ASXL2: variants seen among roughly 807,000 people sequenced by gnomAD.
ASXL2 encodes ASXL transcriptional regulator 2.
A neutral mutation model predicts 122.0 loss-of-function variants in ASXL2; 23 were observed. That is an observed-to-expected ratio of 0.19 (90% confidence interval 0.14 to 0.27). The LOEUF (loss-of-function observed/expected upper bound fraction) is 0.27, where lower values mean the gene tolerates loss of function less well. Among genes scored for constraint, ASXL2 ranks in the 10% least tolerant of loss-of-function variants. ASXL2 has a pLI of 1.00. For missense variants in ASXL2, 1,518 were observed against 1,713.8 expected (o/e 0.89, Z 2.02); for synonymous variants, 650 against 637.0 (o/e 1.02, Z -0.31).
chr2:25,775,089 CT>C (rs1017286224), intron 5 of ASXL2, among the ~76,000 whole-genome samples: 1 of 151,958 alleles, frequency 6.6e-6, no homozygotes, highest in African/African-American at 2.4e-5. Context: ...AGTTAGTCTT[CT>C]GATATGGTTT....
intron 1 of ASXL2, among the ~76,000 whole-genome samples, chr2:25,871,536 T>C (rs569360586): frequency 3.3e-5 from 5 of 152,338 alleles, no homozygotes; most frequent in African/African-American, 1.2e-4. Context: ...TTGTGGGCTT[T>C]CAGGATAGAG....
At chr2:25,858,704 A>G (rs2089810359) in intron 1 of ASXL2, among the ~76,000 whole-genome samples, 1 of 149,898 alleles carries the variant, frequency 6.7e-6, no homozygotes, top group Non-Finnish European at 1.5e-5. Context: ...GCCTGGCGAC[A>G]GAGCGAGACC....
At chr2:25,819,526 G>C (rs1371374828) in intron 3 of ASXL2, among the ~76,000 whole-genome samples, 1 of 152,112 alleles carries the variant, frequency 6.6e-6, no homozygotes, top group African/African-American at 2.4e-5. Context: ...ATATATTATG[G>C]TAAAAATGTC....
intron 3 of ASXL2, among the ~76,000 whole-genome samples, chr2:25,834,550 C>G (rs1445142888): frequency 1.3e-5 from 2 of 152,010 alleles, no homozygotes; most frequent in African/African-American, 4.8e-5. Flanking sequence ...ACAAATATAA[C>G]TAGAGTTAAA....
In ASXL2 at chr2:25,739,723, G is replaced by C. The variant is rs1231390876; in HGVS notation, c.*2306C>G. ...CCCTGATACCTTTCCTCCTTTCCTA[G>C]TTATAGTCTGTTCATCCCTAAGTTA... On this transcript the variant is annotated 3_prime_UTR_variant, in exon 13 of 13. Coordinates refer to ENST00000435504, the MANE Select transcript of ASXL2 (RefSeq NM_018263.6). 1 of 211,414 alleles carries C rather than the reference G, an allele frequency of 4.7e-6. No homozygotes were observed. Among genetic ancestry groups the C allele is most frequent in the Non-Finnish European group, 9.6e-6 (1 of 104,444 alleles). 13.1% of individuals were successfully genotyped at this position (211,414 alleles called of 1,614,324 possible). A position where few individuals can be genotyped will look rare whatever the true frequency, so the allele number is the denominator to read the frequency against.
Position 25,738,895 on chromosome 2 carries a change from C to T in ASXL2, c.*3134G>A, listed in dbSNP as rs1300581116. The T allele has an allele frequency of 6.6e-6, 1 of 152,170 alleles. No homozygotes were observed. Among genetic ancestry groups the T allele is most frequent in the Non-Finnish European group, 1.5e-5 (1 of 68,032 alleles). 9.4% of individuals were successfully genotyped at this position (152,170 alleles called of 1,614,324 possible). A position where few individuals can be genotyped will look rare whatever the true frequency, so the allele number is the denominator to read the frequency against. On this transcript the variant is annotated 3_prime_UTR_variant, in exon 13 of 13. Coordinates refer to ENST00000435504, the MANE Select transcript of ASXL2 (RefSeq NM_018263.6). ...CTTAGAAATGTTACATGAAATACCA[C>T]AGATAGCTTCAGTATCTTGAGCATA...
intron 8 of ASXL2, among the ~76,000 whole-genome samples, chr2:25,764,083 T>A (rs1402270228): frequency 6.6e-6 from 1 of 152,180 alleles, no homozygotes; most frequent in African/African-American, 2.4e-5. Flanking sequence ...GTCTAAGAGG[T>A]AAATGTTGTC....
intron 5 of ASXL2, among the ~76,000 whole-genome samples, chr2:25,796,202 A>G (rs2088908975): frequency 6.6e-6 from 1 of 152,240 alleles, no homozygotes; most frequent in African/African-American, 2.4e-5. Flanking sequence ...TTTTTCTAAT[A>G]TAGGCATAGT....
At chr2:25,781,734 A>G (rs188214421) in intron 5 of ASXL2, among the ~76,000 whole-genome samples, 57 of 147,514 alleles carry the variant, frequency 3.9e-4, no homozygotes, top group African/African-American at 1.4e-3. Context: ...CAGTGGCACT[A>G]TCTCGGCTCA....
intron 5 of ASXL2, among the ~76,000 whole-genome samples, chr2:25,785,076 T>C (rs894300999): frequency 2.0e-5 from 3 of 152,222 alleles, no homozygotes; most frequent in Non-Finnish European, 4.4e-5. Flanking sequence ...CTAACTCATA[T>C]TCCCATTCAT....
intron 3 of ASXL2, among the ~76,000 whole-genome samples, chr2:25,832,690 T>C (rs2089467497): frequency 6.6e-6 from 1 of 152,226 alleles, no homozygotes; most frequent in Non-Finnish European, 1.5e-5. Flanking sequence ...TCTGTACATT[T>C]ATCCCAGAGA....
chr2:25,748,335 C>T (rs1360993316), intron 12 of ASXL2, among the ~76,000 whole-genome samples: 1 of 151,872 alleles, frequency 6.6e-6, no homozygotes, highest in Non-Finnish European at 1.5e-5. Context: ...CCCATCTCTA[C>T]TAAAAAATAA....
chr2:25,766,162 A>T (rs2088346370), intron 8 of ASXL2, among the ~76,000 whole-genome samples: 1 of 151,988 alleles, frequency 6.6e-6, no homozygotes, highest in African/African-American at 2.4e-5. Flanking sequence ...CAATTCTTGA[A>T]TCTTTCTATG....
rs751689283 is a variant in ASXL2 at position 25,803,596 on chromosome 2, A to AT, written c.252+2632dup. The stretch of plus-strand genomic sequence containing the variant: ...TCAGGGACTGGTGCTGTGGAAGACA[A>AT]TTTTTTTCACTGAAGGGTCAGGGAG... On this transcript the variant is annotated intron_variant, in intron 4 of 12. Coordinates refer to ENST00000435504, the MANE Select transcript of ASXL2 (RefSeq NM_018263.6). 2.0e-5 allele frequency among the ~76,000 whole-genome samples: 3 copies of AT among 152,164 alleles called. No individual in the cohort carries two copies. The South Asian group carries it at 6.2e-4, about 32-fold the overall frequency.
intron 12 of ASXL2, among the ~76,000 whole-genome samples, chr2:25,745,559 CAAAAA>C (rs34181748): frequency 1.9e-5 from 1 of 51,414 alleles, no homozygotes; most frequent in Non-Finnish European, 3.9e-5. Flanking sequence ...GCCTCCAGCT[CAAAAA>C]AAAAAAAAAA....
intron 3 of ASXL2, among the ~76,000 whole-genome samples, chr2:25,831,257 C>T (rs2089447704): frequency 6.9e-6 from 1 of 145,882 alleles, no homozygotes; most frequent in Non-Finnish European, 1.5e-5. Context: ...GAGCAGAGAT[C>T]ACATCACTGC....
At position 25,738,599 on chromosome 2, in the gene ASXL2, T is replaced by C. The variant is rs920078118; in HGVS notation, c.*3430A>G. Reference sequence around the variant, plus strand: ...AATAGCAGTGTAATGACCAGAGAAGTCTCCCCACTCCTCACCCCCATTATA... The same window carrying C: ...AATAGCAGTGTAATGACCAGAGAAGCCTCCCCACTCCTCACCCCCATTATA... On this transcript the variant is annotated 3_prime_UTR_variant, in exon 13 of 13. Transcript: ENST00000435504. The C allele has an allele frequency of 2.0e-5, 3 of 152,064 alleles. No homozygotes were observed. Among genetic ancestry groups the C allele is most frequent in the Non-Finnish European group, 2.9e-5 (2 of 68,020 alleles). The allele number at this position is 152,064 out of a possible 1,614,324, so 9.4% of individuals were successfully genotyped here.
At chr2:25,844,878 C>G (rs926904066) in intron 2 of ASXL2, among the ~76,000 whole-genome samples, 1 of 152,030 alleles carries the variant, frequency 6.6e-6, no homozygotes, top group African/African-American at 2.4e-5. Flanking sequence ...CTTGAGCAAT[C>G]CTCCCACCTC....
At chr2:25,807,986 T>TACAC (rs147273836) in intron 3 of ASXL2, among the ~76,000 whole-genome samples, 7,114 of 131,742 alleles carry the variant, frequency 0.054, 298 homozygotes, top group African/African-American at 0.11. Flanking sequence ...AATCAGCTTT[T>TACAC]ACACACACAC....
Sources: allele counts gnomAD v4.1 joint callset (sites outside exome capture counted in the v4.1 genomes callset), GRCh38; gene constraint gnomAD v4.1.1; transcripts MANE v1.5; gene names NCBI Gene and HGNC (gene_info 2026-07-23, HGNC 2026-07-21).